Variants in DNAI1 observed in about 807,000 individuals in gnomAD.
DNAI1 encodes the protein dynein axonemal intermediate chain 1.
In DNAI1, 67 loss-of-function variants were observed where a neutral mutation model predicts 92.0. The ratio of observed to expected loss-of-function variants is 0.73; its 90% confidence interval spans 0.60 to 0.89. The LOEUF (loss-of-function observed/expected upper bound fraction) is 0.89, where lower values mean the gene tolerates loss of function less well. Ranked by LOEUF, DNAI1 falls within the 40% of genes least tolerant of loss-of-function variation. The pLI, the probability that DNAI1 is intolerant of heterozygous loss-of-function variation, is 0.00. For missense variants in DNAI1, 839 were observed against 866.6 expected (o/e 0.97, Z 0.40); for synonymous variants, 323 against 319.6 (o/e 1.01, Z -0.11).
chr9:34,512,088 T>C (rs1487644508), intron 13 of DNAI1, 21 bp from the exon 14 acceptor site: 3 of 1,611,504 alleles, frequency 1.9e-6, no homozygotes, highest in Non-Finnish European at 2.5e-6. Context: ...GTCCCAGAGC[T>C]CACATTTTGG....
At position 34,483,438 on chromosome 9, in the gene DNAI1, C is replaced by G. The variant is rs774374707; in HGVS notation, c.49-10C>G. 2 of 1,611,094 alleles carry G rather than the reference C, an allele frequency of 1.2e-6. No individual in the cohort carries two copies. Among genetic ancestry groups the G allele is most frequent in the Non-Finnish European group, 1.7e-6 (2 of 1,179,430 alleles). On this transcript the variant is annotated splice_polypyrimidine_tract_variant and intron_variant, in intron 1 of 19. Transcript: ENST00000242317. ...TATGACTTACCTTCTGTTTTCTGTT[C>G]TTCATTTAGAGCATCAGCATAGGCA...
chr9:34,520,850 C>G lies in DNAI1; in HGVS notation c.*94C>G. ...CCCAGCCTTAGCACCCAGCATGTGA[C>G]CCCACTCCTGATCAGGTCCCAGCAT... On this transcript the variant is annotated 3_prime_UTR_variant, in exon 20 of 20. Transcript: ENST00000242317. 2 of 1,200,366 alleles carry G rather than the reference C, an allele frequency of 1.7e-6. No individual in the cohort carries two copies. The highest frequency in any genetic ancestry group is 2.4e-6 in the Non-Finnish European group (2 of 828,002). 74.4% of individuals were successfully genotyped at this position (1,200,366 alleles called of 1,614,324 possible).
intron 2 of DNAI1, among the ~76,000 whole-genome samples, chr9:34,484,496 GA>G (rs759858948): frequency 9.9e-5 from 15 of 152,132 alleles, no homozygotes; most frequent in African/African-American, 3.6e-4. Context: ...ATTTTATAGT[GA>G]AAAAATGCAT....
intron 1 of DNAI1, among the ~76,000 whole-genome samples, chr9:34,461,004 C>G (rs1020778091): frequency 6.6e-6 from 1 of 152,144 alleles, no homozygotes; most frequent in Admixed American, 6.5e-5. Context: ...CCACGCCCAG[C>G]TAATTTTTTT....
chr9:34,486,553 C>A (rs1294825873), intron 4 of DNAI1, among the ~76,000 whole-genome samples: 2 of 151,816 alleles, frequency 1.3e-5, no homozygotes, highest in Non-Finnish European at 2.9e-5. Flanking sequence ...CAAAATGAAA[C>A]CTCCCTCTCT....
At chr9:34,490,625 A>T (rs1824571073) in intron 7 of DNAI1, 137 bp downstream of exon 7, 2 of 1,275,378 alleles carry the variant, frequency 1.6e-6, no homozygotes, top group Non-Finnish European at 2.3e-6. Context: ...TTATCTCCCC[A>T]AGGAGAGCTG....
intron 13 of DNAI1, among the ~76,000 whole-genome samples, chr9:34,508,516 T>TGTTTTAAA (rs1217960405): frequency 5.3e-5 from 8 of 152,138 alleles, no homozygotes; most frequent in Non-Finnish European, 1.2e-4. Context: ...GAAGGATCTC[T>TGTTTTAAA]GTAGAAACTT....
intron 1 of DNAI1, among the ~76,000 whole-genome samples, chr9:34,482,136 G>C (rs1824372357): frequency 1.3e-5 from 2 of 152,234 alleles, no homozygotes; most frequent in African/African-American, 2.4e-5. Context: ...TAGATACAGA[G>C]TGTCGATTGG....
At chr9:34,508,316 G>A (rs1330412491) in intron 13 of DNAI1, among the ~76,000 whole-genome samples, 1 of 152,204 alleles carries the variant, frequency 6.6e-6, no homozygotes, top group Non-Finnish European at 1.5e-5. Flanking sequence ...TGCCCTCTCA[G>A]CTTTATCCTT....
intron 1 of DNAI1, among the ~76,000 whole-genome samples, chr9:34,466,491 T>A (rs1373570205): frequency 6.6e-6 from 1 of 152,182 alleles, no homozygotes; most frequent in Non-Finnish European, 1.5e-5. Context: ...CTGCATGGAA[T>A]GCCCAAGTCT....
chr9:34,508,163 A>T (rs1824980561), intron 13 of DNAI1, among the ~76,000 whole-genome samples: 2 of 151,868 alleles, frequency 1.3e-5, no homozygotes, highest in South Asian at 2.1e-4. Flanking sequence ...CTCTTCTTTC[A>T]CTTCCCTCCT....
chr9:34,468,622 T>C (rs1310694261), intron 1 of DNAI1, among the ~76,000 whole-genome samples: 1 of 151,934 alleles, frequency 6.6e-6, no homozygotes, highest in Non-Finnish European at 1.5e-5. Flanking sequence ...GCCCAGAAGT[T>C]TGAGACCAAC....
intron 12 of DNAI1, among the ~76,000 whole-genome samples, chr9:34,504,430 C>T (rs1442648805): frequency 6.6e-6 from 1 of 152,340 alleles, no homozygotes; most frequent in East Asian, 1.9e-4. Context: ...TCCTCGGCTG[C>T]GGGCTGCGTA....
chr9:34,516,268 G>A (rs575615767), intron 18 of DNAI1, among the ~76,000 whole-genome samples: 2 of 152,296 alleles, frequency 1.3e-5, no homozygotes, highest in East Asian at 3.9e-4. Context: ...TGGGGAGGTG[G>A]GCTAGAGTGT....
intron 19 of DNAI1, among the ~76,000 whole-genome samples, chr9:34,520,359 C>A (rs1446922615): frequency 6.6e-6 from 1 of 152,194 alleles, no homozygotes; most frequent in East Asian, 1.9e-4. Flanking sequence ...GAAGGTTGTT[C>A]CCCTGAGGGT....
chr9:34,472,320 T>C (rs1824152936), intron 1 of DNAI1, among the ~76,000 whole-genome samples: 2 of 152,242 alleles, frequency 1.3e-5, no homozygotes, highest in South Asian at 4.1e-4. Context: ...CTCAACGTCT[T>C]ACATATAATT....
intron 12 of DNAI1, among the ~76,000 whole-genome samples, chr9:34,503,950 C>T (rs532042128): frequency 6.6e-6 from 1 of 152,254 alleles, no homozygotes; most frequent in African/African-American, 2.4e-5. Context: ...TGATGTCAGC[C>T]GGCTGTACTG....
chr9:34,503,859 T>C (rs1367647836), intron 12 of DNAI1, among the ~76,000 whole-genome samples: 1 of 152,004 alleles, frequency 6.6e-6, no homozygotes, highest in Non-Finnish European at 1.5e-5. Context: ...AGGCTGTCAG[T>C]AGGTATAAAG....
chr9:34,464,776 T>C (rs1824007477), intron 1 of DNAI1, among the ~76,000 whole-genome samples: 1 of 152,154 alleles, frequency 6.6e-6, no homozygotes. Flanking sequence ...TCTTGATGAA[T>C]GTTGAATGAG....
Sources: allele counts gnomAD v4.1 joint callset (sites outside exome capture counted in the v4.1 genomes callset), GRCh38; gene constraint gnomAD v4.1.1; transcripts MANE v1.5; gene names NCBI Gene and HGNC (gene_info 2026-07-23, HGNC 2026-07-21).